DUSP14: variants seen among roughly 807,000 people sequenced by gnomAD.
The protein encoded by DUSP14 is dual specificity phosphatase 14.
In DUSP14, 5 loss-of-function variants were observed where a neutral mutation model predicts 13.2. The observed-to-expected ratio is 0.38, with a 90% CI of 0.20 to 0.80. The LOEUF (loss-of-function observed/expected upper bound fraction) is 0.80. DUSP14 is among the 30% of genes least tolerant of loss of function. The probability of loss-of-function intolerance (pLI) is 0.44; values close to 1 mark genes in which losing one functional copy is unlikely to be tolerated. For synonymous variants in DUSP14, 91 were observed against 103.4 expected (o/e 0.88, Z 0.73); for missense variants, 185 against 264.0 (o/e 0.70, Z 2.07).
In DUSP14 at chr17:37,512,709, C is replaced by T. The variant is rs1411317284; in HGVS notation, c.437C>T (p.Pro146Leu). 6.2e-7 allele frequency: 1 copy of T among 1,614,114 alleles called. No individual in the cohort carries two copies. The highest frequency in any genetic ancestry group is 1.1e-5 in the South Asian group (1 of 91,088). ...TACAACTGGGTGAAAGCCCGGCGAC[C>T]TGTCATCAGGCCCAACGTAGGCTTC... ...EAYNWVKARR[P>L]VIRPNVGFWR... The change falls in exon 3 of 3, where the codon CCT becomes CTT. Residue 146 changes from proline to leucine, a missense_variant. By Grantham distance (98) the Pro-to-Leu change is moderately conservative. Transcript: ENST00000617516. The surrounding 1 kb of genome is among the most constrained non-coding windows in gnomAD (Gnocchi z 4.8).
intron 1 of DUSP14, among the ~76,000 whole-genome samples, chr17:37,495,496 A>G (rs1298898559): frequency 1.3e-5 from 2 of 151,978 alleles, no homozygotes; most frequent in African/African-American, 4.8e-5. Context: ...TTTGACTCCT[A>G]TGTCTTTGAG....
chr17:37,507,192 G>A (rs1186863856), intron 1 of DUSP14, among the ~76,000 whole-genome samples: 2 of 152,124 alleles, frequency 1.3e-5, no homozygotes, highest in African/African-American at 2.4e-5. Flanking sequence ...TGCCCTCTAC[G>A]TGCCCTCTGG....
chr17:37,501,494 A>G (rs1983367), intron 1 of DUSP14, among the ~76,000 whole-genome samples: 40,730 of 151,852 alleles, frequency 0.27, 5,661 homozygotes, highest in Admixed American at 0.41. Flanking sequence ...CCAATGGAGA[A>G]TAGCCCCCAT....
At chr17:37,509,330 T>A (rs2054167821) in intron 1 of DUSP14, among the ~76,000 whole-genome samples, 1 of 117,504 alleles carries the variant, frequency 8.5e-6, no homozygotes, top group Non-Finnish European at 1.7e-5. Flanking sequence ...GTGTGTTTAG[T>A]TTTTGAGACA....
intron 1 of DUSP14, among the ~76,000 whole-genome samples, chr17:37,492,322 T>G (rs1475656840): frequency 6.6e-6 from 1 of 152,204 alleles, no homozygotes; most frequent in Non-Finnish European, 1.5e-5. Flanking sequence ...CAGGGAGAGT[T>G]GCTAAAGCAA....
chr17:37,504,058 G>A (rs915224176), intron 1 of DUSP14, among the ~76,000 whole-genome samples: 3 of 152,158 alleles, frequency 2.0e-5, no homozygotes, highest in Non-Finnish European at 4.4e-5. Context: ...GCCAGGTGTG[G>A]TGGTGTATGC....
intron 1 of DUSP14, among the ~76,000 whole-genome samples, chr17:37,508,962 A>G (rs2143113643): frequency 6.8e-6 from 1 of 147,040 alleles, no homozygotes; most frequent in East Asian, 2.0e-4. Flanking sequence ...ACCCAGGTTC[A>G]TCAGTAGGTG....
chr17:37,492,962 C>G (rs1233540189), intron 1 of DUSP14, among the ~76,000 whole-genome samples: 3 of 152,016 alleles, frequency 2.0e-5, no homozygotes, highest in Non-Finnish European at 4.4e-5. Flanking sequence ...AAAGTAGATA[C>G]TCTTGTGAAT....
chr17:37,490,943 G>T (rs888096766), intron 1 of DUSP14, among the ~76,000 whole-genome samples: 3 of 152,126 alleles, frequency 2.0e-5, no homozygotes, highest in Non-Finnish European at 4.4e-5. Context: ...AGTCCCTAAG[G>T]CCACTCAGAA....
At chr17:37,492,344 G>T (rs573032070) in intron 1 of DUSP14, among the ~76,000 whole-genome samples, 1 of 152,248 alleles carries the variant, frequency 6.6e-6, no homozygotes, top group East Asian at 1.9e-4. Context: ...CAAGGCCTGG[G>T]TATAAACTTA....
In DUSP14 at chr17:37,511,585, C is replaced by CTTTTTTTTTTTTTTTTTTTTTTTTT. The variant is rs533256343; in HGVS notation, c.-92-578_-92-577insTTTTTTTTTTTTTTTTTTTTTTTTT. Among the ~76,000 whole-genome samples the CTTTTTTTTTTTTTTTTTTTTTTTTT allele has an allele frequency of 2.3e-5, 2 of 87,310 alleles. 1 individual carries two copies. Among genetic ancestry groups the CTTTTTTTTTTTTTTTTTTTTTTTTT allele is most frequent in the African/African-American group, 1.0e-4 (2 of 19,086 alleles). The allele number at this position is 87,310 out of a possible 152,430, so 57.3% of individuals were successfully genotyped here. On this transcript the variant is annotated intron_variant, in intron 2 of 2. Transcript: ENST00000617516. ...CATGAGCTACCTCACCTGGCCTTTC[C>CTTTTTTTTTTTTTTTTTTTTTTTTT]TTTTTTTTTTTTTTTTTTAGAAGCT...
At chr17:37,499,300 C>T (rs2054089722) in intron 1 of DUSP14, among the ~76,000 whole-genome samples, 1 of 152,100 alleles carries the variant, frequency 6.6e-6, no homozygotes, top group African/African-American at 2.4e-5. Context: ...GACACAGAGC[C>T]TAACCATATC....
At position 37,511,759 on chromosome 17, in the gene DUSP14, A is replaced by AAAAAAAT. The variant is rs201355479; in HGVS notation, c.-92-402_-92-396dup. Among the ~76,000 whole-genome samples, 9 of 149,768 alleles carry AAAAAAAT rather than the reference A, an allele frequency of 6.0e-5. No individual in the cohort carries two copies. In the South Asian group the frequency reaches 6.4e-4, roughly 11 times the overall value. On this transcript the variant is annotated intron_variant, in intron 2 of 2. Transcript: ENST00000617516. Reference sequence around the variant, plus strand: ...TGCACTACCACACCCAGCTAATTAAAAAAAAATAAAAAATAAAAAATAAAA... The same window carrying AAAAAAAT: ...TGCACTACCACACCCAGCTAATTAAAAAAAAATAAAAAATAAAAAATAAAAAATAAAA...
chr17:37,495,199 G>T (rs1027366086), intron 1 of DUSP14, among the ~76,000 whole-genome samples: 3 of 152,190 alleles, frequency 2.0e-5, no homozygotes, highest in African/African-American at 7.2e-5. Flanking sequence ...GGCAGCCTCA[G>T]CCTGGGCGAG....
chr17:37,502,366 TAGAG>T (rs948967150), intron 1 of DUSP14, among the ~76,000 whole-genome samples: 3 of 147,086 alleles, frequency 2.0e-5, no homozygotes, highest in Admixed American at 6.8e-5. Flanking sequence ...TTTTTTTTTG[TAGAG>T]AGAGAGTCTT....
At chr17:37,511,945 T>G (rs1304724258) in intron 2 of DUSP14, among the ~76,000 whole-genome samples, 1 of 126,918 alleles carries the variant, frequency 7.9e-6, no homozygotes, top group Non-Finnish European at 1.6e-5. Flanking sequence ...CCACTTTTTT[T>G]TTTTTTTTTT....
At chr17:37,489,028 C>T (rs1298815914), upstream of DUSP14, among the ~76,000 whole-genome samples, 2 of 152,210 alleles carry the variant, frequency 1.3e-5, no homozygotes, top group African/African-American at 2.4e-5. Flanking sequence ...GAGGAAGTCG[C>T]TTTGCCTCCC....
At chr17:37,495,339 A>G (rs1329627441) in intron 1 of DUSP14, among the ~76,000 whole-genome samples, 1 of 152,160 alleles carries the variant, frequency 6.6e-6, no homozygotes, top group East Asian at 1.9e-4. Flanking sequence ...TCAGCTTTTC[A>G]CACCCCATGC....
chr17:37,508,486 C>A (rs1356181094), intron 1 of DUSP14, among the ~76,000 whole-genome samples: 1 of 152,102 alleles, frequency 6.6e-6, no homozygotes, highest in Admixed American at 6.6e-5. Flanking sequence ...GTAATCCCAG[C>A]ACCTTGGGAG....
Sources: gnomAD v4.1 joint callset for allele counts (sites outside exome capture counted in the v4.1 genomes callset) on GRCh38, gnomAD v4.1.1 for gene constraint, Gnocchi (gnomAD v3.1) non-coding constraint, MANE v1.5 for transcripts, NCBI Gene and HGNC (gene_info 2026-07-23, HGNC 2026-07-21) for gene names.